The following ATXN2 variants were observed in gnomAD, a reference collection of about 807,000 sequenced individuals.
ATXN2 encodes the protein ataxin 2.
ATXN2 carries 37 observed loss-of-function variants against 138.6 expected under a neutral mutation model. That is an observed-to-expected ratio of 0.27 (90% CI 0.21 to 0.35). The LOEUF (loss-of-function observed/expected upper bound fraction) is 0.35. Among genes scored for constraint, ATXN2 ranks in the 10% least tolerant of loss-of-function variants. ATXN2 has a pLI of 1.00. For synonymous variants in ATXN2, 549 were observed against 543.7 expected, an observed-to-expected ratio of 1.01 and a Z score of -0.13; for missense variants, 1,216 against 1,480.3, an observed-to-expected ratio of 0.82 and a Z score of 2.93.
chr12:111,475,957 C>T (rs187138123), intron 18 of ATXN2, among the ~76,000 whole-genome samples: 44 of 152,008 alleles, frequency 2.9e-4, no homozygotes, highest in Admixed American at 1.6e-3. Context: ...CGCACGCATA[C>T]ACACACACTT....
At chr12:111,457,513 G>T in intron 21 of ATXN2, 154 bp from the exon 22 acceptor site, 1 of 829,188 alleles carries the variant, frequency 1.2e-6, no homozygotes, top group Non-Finnish European at 1.8e-6. Context: ...ACCATCCATT[G>T]TCTTGAAAAA....
chr12:111,478,604 G>T (rs969545554), intron 18 of ATXN2, among the ~76,000 whole-genome samples: 1 of 152,114 alleles, frequency 6.6e-6, no homozygotes, highest in Admixed American at 6.6e-5. Flanking sequence ...ACAATACCAA[G>T]TGTTGGCAAG....
intron 5 of ATXN2, among the ~76,000 whole-genome samples, chr12:111,531,961 C>T (rs1880861315): frequency 2.0e-5 from 3 of 152,134 alleles, no homozygotes; most frequent in Admixed American, 2.0e-4. Flanking sequence ...AATCTGTTGG[C>T]ATAGTAACAT....
At position 111,510,521 on chromosome 12, in the gene ATXN2, A is replaced by G. The variant is rs756452535; in HGVS notation, c.1620T>C (p.Asn540=). 2 of 1,614,124 alleles carry G rather than the reference A, an allele frequency of 1.2e-6. No individual in the cohort carries two copies. Among genetic ancestry groups the G allele is most frequent in the South Asian group, 1.1e-5 (1 of 91,080 alleles). ...PRSPRQNSIG[N]TPSGPVLASP... ...AAGCAAGAACTGGCCCACTGGGGGT[A>G]TTTCCAATACTGTTCTGTCTGGGAG... The change falls in exon 12 of 25, where the codon AAT becomes AAC. Residue 540 remains asparagine, a synonymous_variant. Transcript: ENST00000673436.
Position 111,453,547 on chromosome 12 carries a change from T to C in ATXN2, c.3439+130A>G. The C allele has an allele frequency of 2.8e-6, 4 of 1,416,696 alleles. No homozygotes were observed. Among genetic ancestry groups the C allele is most frequent in the Non-Finnish European group, 3.7e-6 (4 of 1,086,652 alleles). 87.8% of individuals were successfully genotyped at this position (1,416,696 alleles called of 1,614,324 possible). ...GAACTGATCGTCACAGTCCCTCCTG[T>C]GCACACTCCTGGACGGGTCTTGCTA... On this transcript the variant is annotated intron_variant, in intron 24 of 24. Transcript: ENST00000673436. This position sits in a 1 kb window ranked among gnomAD's most constrained non-coding sequence, Gnocchi z 5.4.
At chr12:111,528,618 C>T (rs570109071) in intron 5 of ATXN2, among the ~76,000 whole-genome samples, 2 of 152,180 alleles carry the variant, frequency 1.3e-5, no homozygotes, top group Non-Finnish European at 2.9e-5. Context: ...CTGTCGCTTT[C>T]GAGACAGAAA....
At chr12:111,512,317 G>A (rs1294216756) in intron 11 of ATXN2, among the ~76,000 whole-genome samples, 1 of 151,918 alleles carries the variant, frequency 6.6e-6, no homozygotes, top group African/African-American at 2.4e-5. Context: ...TTGTTTGTTT[G>A]TTTGTTTGTT....
chr12:111,459,641 T>C (rs1041063228), intron 21 of ATXN2, among the ~76,000 whole-genome samples: 1 of 152,094 alleles, frequency 6.6e-6, no homozygotes, highest in Non-Finnish European at 1.5e-5. Flanking sequence ...GGTTTCACCA[T>C]GTTGGCCAGG....
intron 1 of ATXN2, among the ~76,000 whole-genome samples, chr12:111,585,177 T>C (rs889417875): frequency 6.6e-6 from 1 of 152,110 alleles, no homozygotes; most frequent in African/African-American, 2.4e-5. Context: ...TATAAAACAG[T>C]AATGCCCTTA....
In ATXN2 at chr12:111,536,354, A is replaced by G. The variant is rs905419177; in HGVS notation, c.572-11038T>C. On this transcript the variant is annotated intron_variant, in intron 5 of 24. Coordinates refer to ENST00000673436, the MANE Select transcript of ATXN2 (RefSeq NM_001372574.1). ...TACCATGTGTGCATATATAATTTTTAAAGTAAAGTTGTAAACAGAAAAAAA... is the reference window on the plus strand; with the variant it reads ...TACCATGTGTGCATATATAATTTTTGAAGTAAAGTTGTAAACAGAAAAAAA... Among the ~76,000 whole-genome samples the G allele has an allele frequency of 6.4e-4, 98 of 152,300 alleles. 4 individuals are homozygous for G. Among genetic ancestry groups the G allele is most frequent in the Middle Eastern group, 3.4e-3 (1 of 294 alleles).
Position 111,546,607 on chromosome 12 carries a change from G to A in ATXN2, c.571+5673C>T, listed in dbSNP as rs1198242732. 2.0e-5 allele frequency among the ~76,000 whole-genome samples: 3 copies of A among 151,986 alleles called. 1 individual carries two copies. Among genetic ancestry groups the A allele is most frequent in the Non-Finnish European group, 4.4e-5 (3 of 67,988 alleles). ...GCCATAGTTGAGTTGGAGTAAAGAGGAAAACATGAATAATGGCGCAACAGG... is the reference window on the plus strand; with the variant it reads ...GCCATAGTTGAGTTGGAGTAAAGAGAAAAACATGAATAATGGCGCAACAGG... On this transcript the variant is annotated intron_variant, in intron 5 of 24. Transcript: ENST00000673436.
At chr12:111,569,288 G>T (rs1883187804) in intron 1 of ATXN2, among the ~76,000 whole-genome samples, 1 of 152,128 alleles carries the variant, frequency 6.6e-6, no homozygotes, top group African/African-American at 2.4e-5. Context: ...AAAAAAAATA[G>T]TATCTTTTCA....
At chr12:111,549,184 T>G (rs116185946) in intron 5 of ATXN2, among the ~76,000 whole-genome samples, 244 of 152,274 alleles carry the variant, frequency 1.6e-3, no homozygotes, top group African/African-American at 5.7e-3. Context: ...CCCAGGTGAC[T>G]AAACGTGAAC....
At position 111,516,099 on chromosome 12, in the gene ATXN2, C is replaced by A; in HGVS notation, c.1375+55G>T. The A allele has an allele frequency of 1.4e-6, 2 of 1,477,964 alleles. No homozygotes were observed. The highest frequency in any genetic ancestry group is 9.2e-7 in the Non-Finnish European group (1 of 1,083,310). 91.6% of individuals were successfully genotyped at this position (1,477,964 alleles called of 1,614,324 possible). The stretch of plus-strand genomic sequence containing the variant: ...GGAAACTATTTTGTAATTATAAACT[C>A]ACATAGGAGTTAAACAAAGACAAAC... On this transcript the variant is annotated intron_variant, in intron 10 of 24. Coordinates refer to ENST00000673436, the MANE Select transcript of ATXN2 (RefSeq NM_001372574.1). The surrounding 1 kb of genome is among the most constrained non-coding windows in gnomAD (Gnocchi z 5.0).
intron 14 of ATXN2, among the ~76,000 whole-genome samples, chr12:111,500,699 C>G (rs1221493286): frequency 6.6e-6 from 1 of 152,098 alleles, no homozygotes; most frequent in South Asian, 2.1e-4. Context: ...ATAGTGAAAC[C>G]CCGTCTCTAC....
chr12:111,553,604 A>ATTTTTTT (rs745560171), intron 3 of ATXN2, among the ~76,000 whole-genome samples: 2,065 of 84,956 alleles, frequency 0.024, 368 homozygotes, highest in African/African-American at 0.14. Flanking sequence ...AAAAAAAAAA[A>ATTTTTTT]TTTTTTTTTT....
Position 111,554,220 on chromosome 12 carries a change from G to T in ATXN2, c.289-3C>A. 4 of 1,379,846 alleles carry T rather than the reference G, an allele frequency of 2.9e-6. No individual in the cohort carries two copies. Among genetic ancestry groups the T allele is most frequent in the East Asian group, 2.7e-5 (1 of 37,116 alleles). 85.5% of individuals were successfully genotyped at this position (1,379,846 alleles called of 1,614,324 possible). A position where few individuals can be genotyped will look rare whatever the true frequency, so the allele number is the denominator to read the frequency against. On this transcript the variant is annotated splice_region_variant and splice_polypyrimidine_tract_variant and intron_variant, in intron 2 of 24. Coordinates refer to ENST00000673436, the MANE Select transcript of ATXN2 (RefSeq NM_001372574.1). ...GCATAGATTCCATCAAAAGAAATCT[G>T]GAATATTAAAAAAAAAAAAAACTAT...
intron 5 of ATXN2, among the ~76,000 whole-genome samples, chr12:111,545,471 C>T (rs1412016133): frequency 6.6e-6 from 1 of 151,802 alleles, no homozygotes; most frequent in Non-Finnish European, 1.5e-5. Flanking sequence ...TGGCAGGCAC[C>T]TATAGCCCCA....
At chr12:111,485,917 A>G in intron 16 of ATXN2, 52 bp from the exon 17 acceptor site, 1 of 1,547,964 alleles carries the variant, frequency 6.5e-7, no homozygotes, top group South Asian at 1.2e-5. Context: ...ATGAACTATT[A>G]TTGCAATTTA....
Sources: gnomAD v4.1 joint callset for allele counts (sites outside exome capture counted in the v4.1 genomes callset) on GRCh38, gnomAD v4.1.1 for gene constraint, Gnocchi (gnomAD v3.1) non-coding constraint, MANE v1.5 for transcripts, NCBI Gene and HGNC (gene_info 2026-07-23, HGNC 2026-07-21) for gene names.